The following KCNH8 variants were observed in gnomAD, a reference collection of about 807,000 sequenced individuals.
KCNH8 encodes the protein potassium voltage-gated channel subfamily H member 8.
A neutral mutation model predicts 103.6 loss-of-function variants in KCNH8; 70 were observed. The observed-to-expected ratio is 0.68, with a 90% CI of 0.56 to 0.82. The LOEUF (loss-of-function observed/expected upper bound fraction) is 0.82. Ranked by LOEUF, KCNH8 falls within the 40% of genes least tolerant of loss-of-function variation. KCNH8 has a pLI of 0.00. For synonymous variants in KCNH8, 498 were observed against 489.4 expected (o/e 1.02, Z -0.23); for missense variants, 1,217 against 1,329.9 (o/e 0.92, Z 1.32).
intron 1 of KCNH8, among the ~76,000 whole-genome samples, chr3:19,200,834 T>G (rs75977306): frequency 0.02 from 2,976 of 152,156 alleles, 93 homozygotes; most frequent in African/African-American, 0.066. Context: ...AAGTTTTGCT[T>G]TTTTATTAAT....
chr3:19,483,140 G>A (rs1400681860), intron 11 of KCNH8, among the ~76,000 whole-genome samples: 1 of 152,086 alleles, frequency 6.6e-6, no homozygotes, highest in Non-Finnish European at 1.5e-5. Flanking sequence ...AAGAAAGATG[G>A]TTTAAGAGTG....
chr3:19,462,589 G>A (rs1042905243), intron 11 of KCNH8, among the ~76,000 whole-genome samples: 22 of 152,160 alleles, frequency 1.4e-4, no homozygotes, highest in Non-Finnish European at 3.1e-4. Flanking sequence ...CATTCTGTAG[G>A]TTGCCTGTTC....
chr3:19,339,501 C>G (rs941711744), intron 3 of KCNH8, among the ~76,000 whole-genome samples: 14 of 152,016 alleles, frequency 9.2e-5, no homozygotes, highest in Admixed American at 8.5e-4. Flanking sequence ...TACAAAGATT[C>G]TATGTAAGTC....
At chr3:19,453,364 A>G (rs1295419849) in intron 10 of KCNH8, among the ~76,000 whole-genome samples, 6 of 152,154 alleles carry the variant, frequency 3.9e-5, no homozygotes, top group Non-Finnish European at 5.9e-5. Flanking sequence ...ATTTTAAAAA[A>G]CCATTATTCT....
chr3:19,348,112 A>G, intron 5 of KCNH8, 147 bp downstream of exon 5: 1 of 904,114 alleles, frequency 1.1e-6, no homozygotes, highest in South Asian at 1.7e-5. Context: ...CACATACTGT[A>G]TTTGGATTTC....
intron 11 of KCNH8, among the ~76,000 whole-genome samples, chr3:19,484,676 T>C (rs2068166792): frequency 6.6e-6 from 1 of 151,480 alleles, no homozygotes; most frequent in Non-Finnish European, 1.5e-5. Flanking sequence ...TGGTTTGAGG[T>C]CCTTTCCACG....
chr3:19,229,025 A>C (rs1434154249), intron 1 of KCNH8, among the ~76,000 whole-genome samples: 1 of 152,238 alleles, frequency 6.6e-6, no homozygotes. Flanking sequence ...CAAGTTGTAC[A>C]TTAGTCTAGA....
rs556355672 is a variant in KCNH8, at chr3:19,301,159, A to C, written c.442+19830A>C. Among the ~76,000 whole-genome samples, 186 of 151,848 alleles carry C rather than the reference A, an allele frequency of 1.2e-3. 1 individual carries two copies. The highest frequency in any genetic ancestry group is 4.2e-3 in the African/African-American group (176 of 41,504). Reference sequence around the variant, plus strand: ...AAGCTAGGACTTGAACCCAAGCCCTATTAAGCTTGAGTCTCGACTCCTACA... The same window carrying C: ...AAGCTAGGACTTGAACCCAAGCCCTCTTAAGCTTGAGTCTCGACTCCTACA... On this transcript the variant is annotated intron_variant, in intron 3 of 15. Coordinates refer to ENST00000328405, the MANE Select transcript of KCNH8 (RefSeq NM_144633.3).
At chr3:19,400,701 C>T (rs1419390666) in intron 7 of KCNH8, among the ~76,000 whole-genome samples, 1 of 151,752 alleles carries the variant, frequency 6.6e-6, no homozygotes, top group Admixed American at 6.6e-5. Flanking sequence ...TTTTCATTGA[C>T]AATTTTAATC....
At chr3:19,297,443 T>G (rs2065010836) in intron 3 of KCNH8, among the ~76,000 whole-genome samples, 1 of 152,230 alleles carries the variant, frequency 6.6e-6, no homozygotes, top group Non-Finnish European at 1.5e-5. Flanking sequence ...AATTATAGGA[T>G]AAGTACAGAA....
rs569041470 is a variant in KCNH8, at chr3:19,192,844, A to G, written c.76+44049A>G. The stretch of plus-strand genomic sequence containing the variant: ...TTTATTTTCACTTAGTCTGATTCCA[A>G]TAAAAGAGATGACTACTTATCTTGC... On this transcript the variant is annotated intron_variant, in intron 1 of 15. Coordinates refer to ENST00000328405, the MANE Select transcript of KCNH8 (RefSeq NM_144633.3). Among the ~76,000 whole-genome samples the G allele has an allele frequency of 4.0e-5, 6 of 151,732 alleles. No individual in the cohort carries two copies. The East Asian group carries it at 7.7e-4, about 20-fold the overall frequency.
intron 11 of KCNH8, among the ~76,000 whole-genome samples, chr3:19,493,707 T>C (rs1008158938): frequency 1.3e-5 from 2 of 152,184 alleles, no homozygotes; most frequent in African/African-American, 4.8e-5. Flanking sequence ...TTTTGCTCAT[T>C]CCATATGATA....
intron 1 of KCNH8, among the ~76,000 whole-genome samples, chr3:19,176,459 G>T (rs1033829210): frequency 3.9e-5 from 6 of 152,036 alleles, no homozygotes; most frequent in Non-Finnish European, 8.8e-5. Context: ...AAAATGCTAT[G>T]AGATTGTGGT....
intron 11 of KCNH8, among the ~76,000 whole-genome samples, chr3:19,458,020 C>T (rs1209661822): frequency 6.6e-6 from 1 of 151,912 alleles, no homozygotes; most frequent in Non-Finnish European, 1.5e-5. Flanking sequence ...GTGTTAAGCA[C>T]TCTACCTATG....
intron 2 of KCNH8, among the ~76,000 whole-genome samples, chr3:19,254,343 A>T (rs2064319634): frequency 6.6e-6 from 1 of 152,258 alleles, no homozygotes. Context: ...GTTAAAAAAA[A>T]AAATTGGCAT....
chr3:19,526,795 G>T (rs1460924039), intron 15 of KCNH8, among the ~76,000 whole-genome samples: 2 of 151,938 alleles, frequency 1.3e-5, no homozygotes, highest in East Asian at 3.9e-4. Flanking sequence ...TGATATTTAG[G>T]GGCAATTGAT....
At chr3:19,417,805 C>A (rs1327098736) in intron 7 of KCNH8, among the ~76,000 whole-genome samples, 1 of 152,066 alleles carries the variant, frequency 6.6e-6, no homozygotes, top group Non-Finnish European at 1.5e-5. Context: ...GGCTCTGAGA[C>A]TGTTGCAGTT....
chr3:19,274,561 T>C (rs1293311948), intron 2 of KCNH8, among the ~76,000 whole-genome samples: 1 of 152,130 alleles, frequency 6.6e-6, no homozygotes, highest in East Asian at 1.9e-4. Flanking sequence ...GTATTAGTTC[T>C]ACTGGTCAAT....
intron 1 of KCNH8, among the ~76,000 whole-genome samples, chr3:19,233,680 G>T (rs2064023499): frequency 6.6e-6 from 1 of 152,156 alleles, no homozygotes; most frequent in Admixed American, 6.5e-5. Context: ...GATTTTCTCT[G>T]GGTACTCTGG....
Sources: gnomAD v4.1 joint callset for allele counts (sites outside exome capture counted in the v4.1 genomes callset) on GRCh38, gnomAD v4.1.1 for gene constraint, MANE v1.5 for transcripts, NCBI Gene and HGNC (gene_info 2026-07-23, HGNC 2026-07-21) for gene names.